TCF7L2: variants seen among roughly 807,000 people sequenced by gnomAD.
TCF7L2 encodes transcription factor 7-like 2.
In TCF7L2, 23 loss-of-function variants were observed where a neutral mutation model predicts 77.9. The observed-to-expected ratio is 0.30, with a 90% confidence interval of 0.21 to 0.42. TCF7L2 has a LOEUF of 0.42. Ranked by LOEUF, TCF7L2 falls within the 10% of genes least tolerant of loss-of-function variation. TCF7L2 has a pLI of 1.00. For missense variants in TCF7L2, 654 were observed against 793.1 expected (o/e 0.82, Z 2.11); for synonymous variants, 413 against 340.2 (o/e 1.21, Z -2.36).
At chr10:113,007,917 AGGTG>A (rs2045850010) in intron 4 of TCF7L2, among the ~76,000 whole-genome samples, 1 of 151,996 alleles carries the variant, frequency 6.6e-6, no homozygotes, top group African/African-American at 2.4e-5. Context: ...TGATTTAGCG[AGGTG>A]TTTCTGAATT....
chr10:113,114,105 T>A (rs1490561767), intron 5 of TCF7L2, among the ~76,000 whole-genome samples: 1 of 152,218 alleles, frequency 6.6e-6, no homozygotes, highest in East Asian at 1.9e-4. Context: ...ACATCTTATT[T>A]ACTGACAATA....
intron 5 of TCF7L2, among the ~76,000 whole-genome samples, chr10:113,048,038 TCTTGA>T (rs1372437654): frequency 6.6e-6 from 1 of 152,152 alleles, no homozygotes; most frequent in African/African-American, 2.4e-5. Context: ...TAGGGCAGGA[TCTTGA>T]CTCTGCAGGG....
intron 5 of TCF7L2, among the ~76,000 whole-genome samples, chr10:113,068,974 T>C (rs779460518): frequency 8.0e-4 from 122 of 151,944 alleles, no homozygotes; most frequent in Non-Finnish European, 1.5e-3. Context: ...CCTACCCTTC[T>C]TTGGATGGGG....
chr10:113,049,351 CA>C (rs1436151429), intron 5 of TCF7L2, among the ~76,000 whole-genome samples: 1 of 152,086 alleles, frequency 6.6e-6, no homozygotes, highest in Non-Finnish European at 1.5e-5. Flanking sequence ...AGCTCAACAA[CA>C]TCGACCCATT....
intron 4 of TCF7L2, among the ~76,000 whole-genome samples, chr10:112,992,184 G>C (rs890574754): frequency 6.6e-6 from 1 of 152,182 alleles, no homozygotes; most frequent in African/African-American, 2.4e-5. Flanking sequence ...GCAGAGGCGT[G>C]AGTGGTCTAG....
At chr10:112,966,191 TATATATATA>T (rs2036820292) in intron 4 of TCF7L2, among the ~76,000 whole-genome samples, 1 of 134,602 alleles carries the variant, frequency 7.4e-6, no homozygotes, top group African/African-American at 3.2e-5. Flanking sequence ...TATTTATATA[TATATATATA>T]TATATATATA....
At chr10:113,020,491 T>G (rs1334263826) in intron 4 of TCF7L2, among the ~76,000 whole-genome samples, 1 of 152,132 alleles carries the variant, frequency 6.6e-6, no homozygotes, top group Non-Finnish European at 1.5e-5. Context: ...CTCCCTTTCA[T>G]CCAGGGCTGG....
In TCF7L2 at chr10:113,009,883, G is replaced by T. The variant is rs139552488; in HGVS notation, c.451-30142G>T. Among the ~76,000 whole-genome samples, 15 of 152,306 alleles carry T rather than the reference G, an allele frequency of 9.8e-5. No homozygotes were observed. The East Asian group carries it at 2.9e-3, about 29-fold the overall frequency. ...TTCTCCAGGCCTGTTCGGCAGCATG[G>T]ACTGTTCTTTTAGGTAATTAAGGGA... On this transcript the variant is annotated intron_variant, in intron 4 of 13. Transcript: ENST00000627217.
chr10:113,134,443 T>C (rs2067095679), intron 5 of TCF7L2, among the ~76,000 whole-genome samples: 1 of 152,200 alleles, frequency 6.6e-6, no homozygotes, highest in African/African-American at 2.4e-5. Context: ...GCAGAAATAG[T>C]TGCTAACTGC....
intron 4 of TCF7L2, among the ~76,000 whole-genome samples, chr10:113,031,072 A>G (rs2050129245): frequency 6.6e-6 from 1 of 152,200 alleles, no homozygotes; most frequent in Non-Finnish European, 1.5e-5. Context: ...GGGTGTAGGC[A>G]AAAGAGTTCT....
intron 5 of TCF7L2, among the ~76,000 whole-genome samples, chr10:113,102,208 G>A (rs1159250407): frequency 5.3e-5 from 8 of 151,176 alleles, no homozygotes; most frequent in Admixed American, 6.6e-5. Context: ...GGTTAGGAGC[G>A]TGTGCTCTGT....
chr10:113,146,216 C>G, intron 8 of TCF7L2, 119 bp downstream of exon 8: 1 of 924,346 alleles, frequency 1.1e-6, no homozygotes, highest in Non-Finnish European at 1.7e-6. Context: ...TAGTGTAAAG[C>G]CAATGTGGCA....
chr10:113,070,267 AT>A (rs1248035614), intron 5 of TCF7L2, among the ~76,000 whole-genome samples: 2 of 34,380 alleles, frequency 5.8e-5, no homozygotes, highest in African/African-American at 1.8e-4. Context: ...AAAAAAAAAA[AT>A]TTATATATAT....
chr10:113,072,535 A>G (rs2058160506), intron 5 of TCF7L2, among the ~76,000 whole-genome samples: 1 of 151,992 alleles, frequency 6.6e-6, no homozygotes. Context: ...TTGTATTTTT[A>G]GTAGAGACCG....
chr10:113,149,458 A>C (rs562851700), intron 8 of TCF7L2, among the ~76,000 whole-genome samples: 6 of 152,294 alleles, frequency 3.9e-5, no homozygotes, highest in African/African-American at 1.2e-4. Context: ...TGAAATGTCT[A>C]CTGTGGCTTG....
intron 4 of TCF7L2, among the ~76,000 whole-genome samples, chr10:112,966,914 A>G (rs913466023): frequency 6.6e-6 from 1 of 152,240 alleles, no homozygotes; most frequent in Non-Finnish European, 1.5e-5. Context: ...GTGGGCAAAC[A>G]GAGAGACATT....
At chr10:113,001,845 A>G (rs1469693213) in intron 4 of TCF7L2, among the ~76,000 whole-genome samples, 1 of 152,124 alleles carries the variant, frequency 6.6e-6, no homozygotes, top group Non-Finnish European at 1.5e-5. Flanking sequence ...TTTTCCTCCA[A>G]AGTAATTTCC....
At chr10:113,122,805 G>A (rs1240154292) in intron 5 of TCF7L2, among the ~76,000 whole-genome samples, 1 of 152,150 alleles carries the variant, frequency 6.6e-6, no homozygotes, top group East Asian at 1.9e-4. Context: ...GTGTGGTCCG[G>A]AATTACCTGG....
chr10:113,026,780 C>T (rs1211634727), intron 4 of TCF7L2, among the ~76,000 whole-genome samples: 2 of 152,180 alleles, frequency 1.3e-5, no homozygotes, highest in East Asian at 3.9e-4. Flanking sequence ...TGGCCAGGTT[C>T]TGTGGTCAGA....
Sources: gnomAD v4.1 joint callset for allele counts (sites outside exome capture counted in the v4.1 genomes callset) on GRCh38, gnomAD v4.1.1 for gene constraint, MANE v1.5 for transcripts, NCBI Gene and HGNC (gene_info 2026-07-23, HGNC 2026-07-21) for gene names.